SUN3: variants seen among roughly 807,000 people sequenced by gnomAD.
SUN3 encodes the protein SUN domain-containing protein 3.
In SUN3, 36 loss-of-function variants were observed where a neutral mutation model predicts 48.2. The observed-to-expected ratio is 0.75, with a 90% CI of 0.57 to 0.99. The LOEUF is 0.99. SUN3 is among the 50% of genes least tolerant of loss of function. The probability of loss-of-function intolerance (pLI) is 0.00; values close to 1 mark genes in which losing one functional copy is unlikely to be tolerated. For missense variants in SUN3, 419 were observed against 433.1 expected, an observed-to-expected ratio of 0.97 and a Z score of 0.29; for synonymous variants, 148 against 147.9, an observed-to-expected ratio of 1.00 and a Z score of 0.00.
At chr7:48,006,792 G>C (rs1270166853) in intron 5 of SUN3, among the ~76,000 whole-genome samples, 4 of 152,196 alleles carry the variant, frequency 2.6e-5, no homozygotes, top group African/African-American at 4.8e-5. Flanking sequence ...AGTTTTGCCT[G>C]AATCTGATGC....
rs759409600 is a variant in SUN3 at position 47,994,427 on chromosome 7, A to T, written c.749T>A (p.Leu250Gln). 6.2e-7 allele frequency: 1 copy of T among 1,612,860 alleles called. No individual in the cohort carries two copies. Among genetic ancestry groups the T allele is most frequent in the Admixed American group, 1.7e-5 (1 of 59,794 alleles). ...WAFPGSQGHT[L>Q]IKLATKIIPT... ...TATGATCTTTGTAGCAAGCTTGATTAGGGTATGACCCTGGGAACCTGGAAA... is the reference window on the plus strand; with the variant it reads ...TATGATCTTTGTAGCAAGCTTGATTTGGGTATGACCCTGGGAACCTGGAAA... The change falls in exon 8 of 10, where the codon CTA becomes CAA. Residue 250 changes from leucine (L) to glutamine (Q), a missense_variant. Transcript: ENST00000297325.
chr7:47,996,202 CA>C lies in SUN3; in HGVS notation c.578-57del. 3.1e-6 allele frequency: 3 copies of C among 966,684 alleles called. No homozygotes were observed. In the South Asian group the frequency reaches 4.9e-5, roughly 16 times the overall value. 59.9% of individuals were successfully genotyped at this position (966,684 alleles called of 1,614,324 possible). A position where few individuals can be genotyped will look rare whatever the true frequency, so the allele number is the denominator to read the frequency against. ...GAAACAACATACACAATTCAAAACA[CA>C]TCATTTGAATTTTAACAATGTCTCT... On this transcript the variant is annotated intron_variant, in intron 6 of 9. Transcript: ENST00000297325.
In SUN3 at chr7:47,988,787, C is replaced by A. The variant is rs1276288450; in HGVS notation, c.954+1G>T. 1.3e-6 allele frequency: 2 copies of A among 1,587,898 alleles called. No individual in the cohort carries two copies. The highest frequency in any genetic ancestry group is 2.2e-5 in the East Asian group (1 of 44,632). On this transcript the variant is annotated splice_donor_variant, in intron 9 of 9. Coordinates refer to ENST00000297325, the MANE Select transcript of SUN3 (RefSeq NM_001030019.2). LOFTEE classifies it high-confidence loss of function. ...ATATCATTTCCCAGAGCATACATTA[C>A]CTGGAGTTCAAATGTTTGAACGGTG... is the stretch of plus-strand genomic sequence containing the variant.
upstream of SUN3, chr7:48,029,139 C>T (rs1790219084): frequency 1.4e-6 from 1 of 696,474 alleles, no homozygotes; most frequent in Middle Eastern, 4.4e-4. Context: ...TCCGTGACAC[C>T]TCATAATGCA....
chr7:48,016,147 C>G (rs953185518), intron 3 of SUN3, among the ~76,000 whole-genome samples: 2 of 152,074 alleles, frequency 1.3e-5, no homozygotes, highest in African/African-American at 2.4e-5. Context: ...TAATCTGACT[C>G]AACCAGTTCT....
At chr7:48,026,046 T>G (rs1790125504) in intron 1 of SUN3, 108 bp from the exon 2 acceptor site, 1 of 722,992 alleles carries the variant, frequency 1.4e-6, no homozygotes, top group Non-Finnish European at 2.4e-6. Context: ...TTTTCATTCT[T>G]GCTTAATCTA....
chr7:47,999,516 T>C (rs1404299256), intron 6 of SUN3, among the ~76,000 whole-genome samples: 1 of 152,146 alleles, frequency 6.6e-6, no homozygotes, highest in Non-Finnish European at 1.5e-5. Flanking sequence ...TTTTAAATAT[T>C]AGTTGAAATT....
At chr7:48,027,807 G>A (rs1212988177) in intron 1 of SUN3, among the ~76,000 whole-genome samples, 1 of 152,152 alleles carries the variant, frequency 6.6e-6, no homozygotes, top group African/African-American at 2.4e-5. Context: ...GTGTATTCTG[G>A]AACCTCTTCC....
chr7:47,994,620 G>A lies in SUN3; in HGVS notation c.694-138C>T, dbSNP rs983565610. On this transcript the variant is annotated intron_variant, in intron 7 of 9. Transcript: ENST00000297325. ...AAAACTCCCAAGGCACCTCTAGTGT[G>A]GTTGTTCTTCCAGAGCACTGTATGC... 4 of 825,028 alleles carry A rather than the reference G, an allele frequency of 4.8e-6. No homozygotes were observed. In the Middle Eastern group the frequency reaches 8.6e-4, roughly 176 times the overall value. 51.1% of individuals were successfully genotyped at this position (825,028 alleles called of 1,614,324 possible).
intron 3 of SUN3, among the ~76,000 whole-genome samples, chr7:48,009,837 C>T (rs903901403): frequency 1.1e-4 from 16 of 152,140 alleles, no homozygotes; most frequent in African/African-American, 3.1e-4. Flanking sequence ...TCTGCAGTAC[C>T]GGGCTACTGT....
Position 48,028,877 on chromosome 7 carries a change from G to C in SUN3, c.62C>G (p.Ala21Gly). The C allele has an allele frequency of 6.2e-7, 1 of 1,613,966 alleles. No homozygotes were observed. ...AMFFRRCSED[A>G]SGSASGNALL... is the part of the protein sequence containing the mutation. Reference sequence around the variant, plus strand: ...AGCATTGCCACTGGCGCTACCGCTGGCGTCTTCAGAGCAACGTCTAAAAAA... The same window carrying C: ...AGCATTGCCACTGGCGCTACCGCTGCCGTCTTCAGAGCAACGTCTAAAAAA... The change falls in exon 1 of 10, where the codon GCC becomes GGC. Residue 21 changes from alanine to glycine, a missense_variant. Transcript: ENST00000297325.
In SUN3 at chr7:47,997,551, T is replaced by TA. The variant is rs111657343; in HGVS notation, c.578-1406dup. ...CATATTTATTCATTTTCTCATTCAT[T>TA]AAAAGATTTAAATCAGCTTTATTAA... is the stretch of plus-strand genomic sequence containing the variant. On this transcript the variant is annotated intron_variant, in intron 6 of 9. Coordinates refer to ENST00000297325, the MANE Select transcript of SUN3 (RefSeq NM_001030019.2). Among the ~76,000 whole-genome samples the TA allele has an allele frequency of 3.0e-3, 454 of 152,350 alleles. 6 individuals are homozygous for TA. Among genetic ancestry groups the TA allele is most frequent in the African/African-American group, 0.01 (423 of 41,574 alleles).
rs1423316557 is a variant in SUN3, at chr7:47,988,866, T to C, written c.876A>G (p.Lys292=). Residue 292 remains lysine, a synonymous_variant, in exon 9 of 10, where the codon AAA becomes AAG. Coordinates refer to ENST00000297325, the MANE Select transcript of SUN3 (RefSeq NM_001030019.2). ...KEFSVYGITK[K]CEGEEIFLGQ... is the part of the protein sequence containing the mutation. ...CTAGGAAAATTTCTTCTCCTTCACA[T>C]TTTTTTGTGATGCCCTATAAAGAAA... The C allele has an allele frequency of 1.3e-6, 2 of 1,595,798 alleles. No homozygotes were observed. Among genetic ancestry groups the C allele is most frequent in the South Asian group, 2.2e-5 (2 of 89,816 alleles).
intron 7 of SUN3, 122 bp from the exon 8 acceptor site, chr7:47,994,604 A>G (rs1326811367): frequency 1.0e-6 from 1 of 978,760 alleles, no homozygotes; most frequent in African/African-American, 1.7e-5. Context: ...GAAAACTCCC[A>G]AGGCACCTCT....
intron 6 of SUN3, among the ~76,000 whole-genome samples, chr7:47,999,561 C>T (rs1222110598): frequency 9.2e-5 from 14 of 152,038 alleles, no homozygotes; most frequent in Admixed American, 9.2e-4. Flanking sequence ...GAAACTGAGT[C>T]TTGCTCTGGG....
At chr7:48,006,412 G>C (rs370183199) in intron 5 of SUN3, among the ~76,000 whole-genome samples, 115 of 152,280 alleles carry the variant, frequency 7.6e-4, no homozygotes, top group African/African-American at 2.7e-3. Context: ...GTGTCCTGTG[G>C]TTAGCAGTAA....
chr7:48,028,928 T>C lies in SUN3; in HGVS notation c.11A>G (p.Lys4Arg). 1 of 1,613,928 alleles carries C rather than the reference T, an allele frequency of 6.2e-7. No homozygotes were observed. MSG[K>R]TKARRAAMFF... ...CATGGCAGCCCTTCTTGCCTTTGTT[T>C]TTCCACTCATGATCCCCTACCAAAG... The change falls in exon 1 of 10, where the codon AAA (lysine) becomes AGA (arginine). Residue 4 changes from lysine (K) to arginine (R), a missense_variant. Lys to Arg is a conservative substitution (Grantham distance 26, BLOSUM62 2). Transcript: ENST00000297325.
rs569566899 is a variant in SUN3 at position 48,007,098 on chromosome 7, C to G, written c.492+67G>C. 12 of 1,492,574 alleles carry G rather than the reference C, an allele frequency of 8.0e-6. No individual in the cohort carries two copies. The South Asian group carries it at 1.2e-4, about 15-fold the overall frequency. The allele number at this position is 1,492,574 out of a possible 1,614,324, so 92.5% of individuals were successfully genotyped here. ...ACATCGGAAGGACATACTCACTCCC[C>G]GTCACCCTGGACATCCGCGCTAACC... On this transcript the variant is annotated intron_variant, in intron 5 of 9. Coordinates refer to ENST00000297325, the MANE Select transcript of SUN3 (RefSeq NM_001030019.2).
At position 48,001,330 on chromosome 7, in the gene SUN3, C is replaced by T. The variant is rs543525867; in HGVS notation, c.577+4639G>A. ...TTTAGCTCCCACTTATAAGTGAGAACATGTGTTTTTGGTTTTCTATTCCTG... is the reference window on the plus strand; with the variant it reads ...TTTAGCTCCCACTTATAAGTGAGAATATGTGTTTTTGGTTTTCTATTCCTG... On this transcript the variant is annotated intron_variant, in intron 6 of 9. Transcript: ENST00000297325. Among the ~76,000 whole-genome samples, 3 of 152,218 alleles carry T rather than the reference C, an allele frequency of 2.0e-5. No individual in the cohort carries two copies. The East Asian group carries it at 5.8e-4, about 29-fold the overall frequency.
Sources: allele counts gnomAD v4.1 joint callset (sites outside exome capture counted in the v4.1 genomes callset), GRCh38; gene constraint gnomAD v4.1.1; transcripts MANE v1.5; gene names NCBI Gene and HGNC (gene_info 2026-07-23, HGNC 2026-07-21).